NXNL1: variants seen among roughly 807,000 people sequenced by gnomAD.
NXNL1 encodes nucleoredoxin like 1, also known as nucleoredoxin-like protein 1.
Under a neutral mutation model 7.2 loss-of-function variants are expected in NXNL1, and 6 were observed. The ratio of observed to expected loss-of-function variants is 0.83; its 90% confidence interval spans 0.46 to 1.64. The LOEUF (loss-of-function observed/expected upper bound fraction) is 1.64. Among genes scored for constraint, NXNL1 ranks in the 40% most tolerant of loss-of-function variants. The pLI is 0.01. For missense variants in NXNL1, 308 were observed against 285.1 expected (o/e 1.08, Z -0.58); for synonymous variants, 133 against 127.2 (o/e 1.05, Z -0.31).
At chr19:17,458,288 C>T (rs8101681) in intron 1 of NXNL1, among the ~76,000 whole-genome samples, 84,675 of 143,946 alleles carry the variant, frequency 0.59, 26,079 homozygotes, top group Non-Finnish European at 0.7. Flanking sequence ...GGCACGATCT[C>T]GGGTCACTGC....
In NXNL1 at chr19:17,460,883, G is replaced by A; in HGVS notation, c.-14C>T. ...CAGGGAGGCCATGGTAACCTGGGTT[G>A]GGTGCTGGGGACAGCGCGGCGTGTG... On this transcript the variant is annotated 5_prime_UTR_variant, in exon 1 of 2. Coordinates refer to ENST00000301944, the MANE Select transcript of NXNL1 (RefSeq NM_138454.2). 10 of 1,611,658 alleles carry A rather than the reference G, an allele frequency of 6.2e-6. No individual in the cohort carries two copies. Among genetic ancestry groups the A allele is most frequent in the Non-Finnish European group, 8.5e-6 (10 of 1,179,938 alleles).
At chr19:17,460,413 T>TG in intron 1 of NXNL1, 131 bp downstream of exon 1, 1 of 990,672 alleles carries the variant, frequency 1.0e-6, no homozygotes, top group Non-Finnish European at 1.5e-6. Flanking sequence ...TGGGCACCCC[T>TG]GTCTGTACCC....
intron 1 of NXNL1, among the ~76,000 whole-genome samples, chr19:17,459,800 C>T (rs562518108): frequency 2.3e-4 from 35 of 152,192 alleles, no homozygotes; most frequent in African/African-American, 8.2e-4. Context: ...CAGCCTCAAA[C>T]TCTAGGCTCC....
chr19:17,459,270 C>T (rs1260362998), intron 1 of NXNL1, among the ~76,000 whole-genome samples: 1 of 152,148 alleles, frequency 6.6e-6, no homozygotes, highest in Admixed American at 6.6e-5. Flanking sequence ...CTACAGTCTC[C>T]CTGAACTGGT....
At chr19:17,457,355 T>C (rs776280555) in intron 1 of NXNL1, among the ~76,000 whole-genome samples, 1 of 152,052 alleles carries the variant, frequency 6.6e-6, no homozygotes, top group Non-Finnish European at 1.5e-5. Context: ...TTATTCATTG[T>C]TTATCTCAAT....
chr19:17,460,736 G>T lies in NXNL1; in HGVS notation c.134C>A (p.Pro45Gln), dbSNP rs776799934. Residue 45 changes from proline to glutamine, a missense_variant, in exon 1 of 2, where the codon CCA becomes CAA. Pro to Gln is a moderately conservative substitution (Grantham distance 76). Transcript: ENST00000301944. The part of the protein sequence containing the change: ...VLLFFGAGAC[P>Q]QCQAFVPILK... ...GATGGGCACGAAGGCCTGGCACTGT[G>T]GACAAGCCCCAGCACCAAAGAACAG... 1 of 1,613,754 alleles carries T rather than the reference G, an allele frequency of 6.2e-7. No homozygotes were observed. Among genetic ancestry groups the T allele is most frequent in the Non-Finnish European group, 8.5e-7 (1 of 1,180,034 alleles).
At chr19:17,456,022 A>T in intron 1 of NXNL1, 63 bp from the exon 2 acceptor site, 2 of 1,589,992 alleles carry the variant, frequency 1.3e-6, no homozygotes, top group Non-Finnish European at 8.5e-7. Flanking sequence ...AGAGAGCCCC[A>T]CATCCCTCCT....
rs992070532 is a variant in NXNL1, at chr19:17,455,924, G to A, written c.362C>T (p.Pro121Leu). ...LGRQFSVERL[P>L]AVVVLKPDGD... ...GTCCGGCTTGAGCACCACGACCGCC[G>A]GCAGGCGCTCCACTGAGAACTGGCG... The change falls in exon 2 of 2, where the codon CCG becomes CTG. Residue 121 changes from proline to leucine, a missense_variant. By Grantham distance (98) the Pro-to-Leu change is moderately conservative. Coordinates refer to ENST00000301944, the MANE Select transcript of NXNL1 (RefSeq NM_138454.2). 9 of 1,596,228 alleles carry A rather than the reference G, an allele frequency of 5.6e-6. No homozygotes were observed. The highest frequency in any genetic ancestry group is 2.7e-5 in the African/African-American group (2 of 75,002).
At chr19:17,458,443 C>T (rs546807017) in intron 1 of NXNL1, among the ~76,000 whole-genome samples, 1 of 151,476 alleles carries the variant, frequency 6.6e-6, no homozygotes, top group African/African-American at 2.4e-5. Flanking sequence ...CTCCTGACCT[C>T]GTGATCCGCC....
chr19:17,459,566 C>T (rs1007136751), intron 1 of NXNL1, among the ~76,000 whole-genome samples: 3 of 151,702 alleles, frequency 2.0e-5, no homozygotes, highest in Non-Finnish European at 2.9e-5. Flanking sequence ...CACAGCTGTG[C>T]GCCACCAGGC....
chr19:17,460,520 G>A, intron 1 of NXNL1, 24 bp downstream of exon 1: 1 of 1,598,018 alleles, frequency 6.3e-7, no homozygotes, highest in South Asian at 1.1e-5. Context: ...CCTCCTCCAG[G>A]AAGCCCTCCC....
intron 1 of NXNL1, among the ~76,000 whole-genome samples, chr19:17,459,233 T>G (rs2075004243): frequency 1.3e-5 from 2 of 151,208 alleles, no homozygotes; most frequent in African/African-American, 4.8e-5. Flanking sequence ...ACAATAACAT[T>G]GTAAATTTGA....
chr19:17,455,923 C>T lies in NXNL1; in HGVS notation c.363G>A (p.Pro121=), dbSNP rs778818262. ...LGRQFSVERL[P]AVVVLKPDGD... Reference sequence around the variant, plus strand: ...CGTCCGGCTTGAGCACCACGACCGCCGGCAGGCGCTCCACTGAGAACTGGC... The same window carrying T: ...CGTCCGGCTTGAGCACCACGACCGCTGGCAGGCGCTCCACTGAGAACTGGC... The change falls in exon 2 of 2, where the codon CCG becomes CCA. Residue 121 remains proline (P), a synonymous_variant. Transcript: ENST00000301944. 13 of 1,596,152 alleles carry T rather than the reference C, an allele frequency of 8.1e-6. No homozygotes were observed. In the East Asian group the frequency reaches 1.6e-4, roughly 19 times the overall value.
chr19:17,458,687 C>T (rs1269819580), intron 1 of NXNL1, among the ~76,000 whole-genome samples: 1 of 149,614 alleles, frequency 6.7e-6, no homozygotes, highest in African/African-American at 2.5e-5. Context: ...CTGCACCCTC[C>T]GCCTCCCGGG....
chr19:17,460,464 A>T, intron 1 of NXNL1, 80 bp downstream of exon 1: 2 of 1,464,038 alleles, frequency 1.4e-6, no homozygotes, highest in Non-Finnish European at 9.3e-7. Context: ...GGGGCTGCTC[A>T]TTCACTCTAG....
rs1319440415 is a variant in NXNL1, at chr19:17,455,917, G to C, written c.369C>G (p.Val123=). The change falls in exon 2 of 2, where the codon GTC becomes GTG. Residue 123 remains valine (V), a synonymous_variant. Coordinates refer to ENST00000301944, the MANE Select transcript of NXNL1 (RefSeq NM_138454.2). ...RQFSVERLPA[V]VVLKPDGDVL... is the part of the protein sequence containing the mutation. ...CGTCCCCGTCCGGCTTGAGCACCAC[G>C]ACCGCCGGCAGGCGCTCCACTGAGA... 3 of 1,595,818 alleles carry C rather than the reference G, an allele frequency of 1.9e-6. No homozygotes were observed. Among genetic ancestry groups the C allele is most frequent in the South Asian group, 1.1e-5 (1 of 90,706 alleles).
At position 17,455,885 on chromosome 19, in the gene NXNL1, G is replaced by A. The variant is rs1232712922; in HGVS notation, c.401C>T (p.Thr134Ile). 1.3e-6 allele frequency: 2 copies of A among 1,592,578 alleles called. No individual in the cohort carries two copies. The highest frequency in any genetic ancestry group is 1.7e-5 in the Admixed American group (1 of 59,278). The change falls in exon 2 of 2, where the codon ACT becomes ATT. Residue 134 changes from threonine to isoleucine, a missense_variant. Transcript: ENST00000301944. ...CTGGATCTCGTCGGCGCCGTCGCGA[G>A]TGAGCACGTCCCCGTCCGGCTTGAG... ...VVLKPDGDVL[T>I]RDGADEIQRL...
Position 17,456,099 on chromosome 19 carries a change from G to A in NXNL1, c.327-140C>T, listed in dbSNP as rs543473912. ...CCGGGCACTGGGTAGGTGCACACGA[G>A]GACCGGGACAGGGCCAGACACTTTG... is the stretch of plus-strand genomic sequence containing the variant. On this transcript the variant is annotated intron_variant, in intron 1 of 1. Coordinates refer to ENST00000301944, the MANE Select transcript of NXNL1 (RefSeq NM_138454.2). The A allele has an allele frequency of 8.3e-6, 12 of 1,439,724 alleles. 1 individual carries two copies. The South Asian group carries it at 1.6e-4, about 19-fold the overall frequency. The allele number at this position is 1,439,724 out of a possible 1,614,324, so 89.2% of individuals were successfully genotyped here. A position where few individuals can be genotyped will look rare whatever the true frequency, so the allele number is the denominator to read the frequency against.
Position 17,455,677 on chromosome 19 carries a change from C to CCCCCCCCCCCCCCCCGGGGCG in NXNL1, c.608_609insCGCCCCGGGGGGGGGGGGGGG (p.Gly203_Glu204insAlaProGlyGlyGlyGlyGly). 1 of 1,393,124 alleles carries CCCCCCCCCCCCCCCCGGGGCG rather than the reference C, an allele frequency of 7.2e-7. No individual in the cohort carries two copies. The highest frequency in any genetic ancestry group is 9.8e-7 in the Non-Finnish European group (1 of 1,023,082). The allele number at this position is 1,393,124 out of a possible 1,614,324, so 86.3% of individuals were successfully genotyped here. A position where few individuals can be genotyped will look rare whatever the true frequency, so the allele number is the denominator to read the frequency against. On this transcript the variant is annotated inframe_insertion, in exon 2 of 2. Transcript: ENST00000301944. ...ACAGCCCCCCGGCCCCGCCCTCCTC[C>CCCCCCCCCCCCCCCCGGGGCG]CCACCCCCTCCCCCGGGGTCGCGCC...
Sources: gnomAD v4.1 joint callset for allele counts (sites outside exome capture counted in the v4.1 genomes callset) on GRCh38, gnomAD v4.1.1 for gene constraint, MANE v1.5 for transcripts, NCBI Gene and HGNC (gene_info 2026-07-23, HGNC 2026-07-21) for gene names.